LUZP2: variants seen among roughly 807,000 people sequenced by gnomAD.
The protein encoded by LUZP2 is leucine zipper protein 2.
LUZP2 carries 52 observed loss-of-function variants against 51.6 expected under a neutral mutation model. The ratio of observed to expected loss-of-function variants is 1.01; its 90% CI spans 0.81 to 1.27. The LOEUF (loss-of-function observed/expected upper bound fraction) is 1.27. LUZP2 is among the 50% of genes most tolerant of loss of function. The probability of loss-of-function intolerance (pLI) is 0.00; values close to 1 mark genes in which losing one functional copy is unlikely to be tolerated. For missense variants in LUZP2, 436 were observed against 395.4 expected (o/e 1.10, Z -0.87); for synonymous variants, 154 against 137.3 (o/e 1.12, Z -0.85).
At chr11:24,545,646 T>C (rs2133731624) in intron 1 of LUZP2, among the ~76,000 whole-genome samples, 1 of 151,628 alleles carries the variant, frequency 6.6e-6, no homozygotes, top group Admixed American at 6.6e-5. Context: ...TTGGTCTGTG[T>C]GTCTGTTTTT....
rs773660272 is a variant in LUZP2, at chr11:24,718,984, A to G, written c.63-10185A>G. ...TATTTTCAAGAAATTCTCTTTGATA[A>G]TTAATTAACTGAGCACAGGGTATAT... On this transcript the variant is annotated intron_variant, in intron 1 of 11. Coordinates refer to ENST00000336930, the MANE Select transcript of LUZP2 (RefSeq NM_001009909.4). Among the ~76,000 whole-genome samples the G allele has an allele frequency of 5.9e-4, 90 of 152,214 alleles. 1 individual carries two copies. The highest frequency in any genetic ancestry group is 4.7e-4 in the Non-Finnish European group (32 of 68,032).
chr11:24,773,698 CAT>C (rs1431391604), intron 5 of LUZP2, among the ~76,000 whole-genome samples: 4 of 152,126 alleles, frequency 2.6e-5, no homozygotes, highest in African/African-American at 9.7e-5. Flanking sequence ...TGCTATTACA[CAT>C]GTCTCATGTC....
intron 5 of LUZP2, among the ~76,000 whole-genome samples, chr11:24,774,273 A>G (rs1409570495): frequency 6.7e-6 from 1 of 149,734 alleles, no homozygotes; most frequent in Non-Finnish European, 1.5e-5. Context: ...CAGCCTGTGC[A>G]GATGGCCTAT....
chr11:24,523,837 G>A (rs1850719230), intron 1 of LUZP2, among the ~76,000 whole-genome samples: 1 of 151,556 alleles, frequency 6.6e-6, no homozygotes, highest in South Asian at 2.1e-4. Flanking sequence ...AGGCAGTGGG[G>A]CAATGAAACC....
intron 5 of LUZP2, among the ~76,000 whole-genome samples, chr11:24,775,036 A>G (rs1001654578): frequency 2.6e-5 from 4 of 151,650 alleles, no homozygotes; most frequent in African/African-American, 4.8e-5. Flanking sequence ...AAATACAATA[A>G]TAATTTCTAA....
chr11:24,602,217 T>TATATATATAC (rs1853726378), intron 1 of LUZP2, among the ~76,000 whole-genome samples: 1 of 61,714 alleles, frequency 1.6e-5, no homozygotes, highest in Non-Finnish European at 4.0e-5. Flanking sequence ...TGTATATATG[T>TATATATATAC]ATATATGTAC....
chr11:25,073,843 G>GA (rs1219239723), intron 10 of LUZP2, among the ~76,000 whole-genome samples: 1 of 151,750 alleles, frequency 6.6e-6, no homozygotes, highest in Non-Finnish European at 1.5e-5. Flanking sequence ...GGAGGAGAAA[G>GA]AAAAAAAGGA....
chr11:24,998,703 A>G (rs1449420795), intron 9 of LUZP2, among the ~76,000 whole-genome samples: 2 of 152,266 alleles, frequency 1.3e-5, no homozygotes, highest in East Asian at 3.9e-4. Flanking sequence ...GTCTACCTAT[A>G]CCCAACTTAA....
intron 5 of LUZP2, among the ~76,000 whole-genome samples, chr11:24,774,933 T>C (rs1848872613): frequency 6.6e-6 from 1 of 150,484 alleles, no homozygotes; most frequent in Non-Finnish European, 1.5e-5. Context: ...CTAGAACTTC[T>C]TTTCCCAGAG....
intron 7 of LUZP2, among the ~76,000 whole-genome samples, chr11:24,954,830 C>T (rs1260460861): frequency 6.6e-6 from 1 of 152,012 alleles, no homozygotes; most frequent in African/African-American, 2.4e-5. Flanking sequence ...GATAGTATAA[C>T]ATAGACGCTA....
chr11:24,735,420 C>T (rs1858898240), intron 3 of LUZP2, among the ~76,000 whole-genome samples: 1 of 151,750 alleles, frequency 6.6e-6, no homozygotes, highest in Admixed American at 6.6e-5. Context: ...TTGAAAATGT[C>T]CTTGAGCAAA....
At chr11:25,058,942 G>A (rs1858760884) in intron 10 of LUZP2, among the ~76,000 whole-genome samples, 1 of 152,110 alleles carries the variant, frequency 6.6e-6, no homozygotes, top group African/African-American at 2.4e-5. Flanking sequence ...GAAAAATTCA[G>A]TCAAAAACTA....
intron 5 of LUZP2, among the ~76,000 whole-genome samples, chr11:24,782,815 T>A (rs545935302): frequency 4.7e-4 from 71 of 152,226 alleles, no homozygotes; most frequent in African/African-American, 1.7e-3. Flanking sequence ...CCTAGAATGT[T>A]ACCTGTGTAA....
chr11:24,999,350 A>G (rs1856606873), intron 9 of LUZP2, among the ~76,000 whole-genome samples: 1 of 151,932 alleles, frequency 6.6e-6, no homozygotes, highest in Admixed American at 6.6e-5. Context: ...GAGGAAAAAG[A>G]AGAAGGAGGA....
chr11:24,560,594 A>C (rs1438990299), intron 1 of LUZP2, among the ~76,000 whole-genome samples: 1 of 152,176 alleles, frequency 6.6e-6, no homozygotes, highest in Non-Finnish European at 1.5e-5. Context: ...GTAGCTTGAA[A>C]AATACAGAGT....
intron 4 of LUZP2, among the ~76,000 whole-genome samples, chr11:24,755,354 A>C (rs12279428): frequency 0.036 from 5,492 of 152,062 alleles, 183 homozygotes; most frequent in African/African-American, 0.085. Flanking sequence ...AAGGTCTTAG[A>C]AGTGCTTTCT....
intron 7 of LUZP2, among the ~76,000 whole-genome samples, chr11:24,952,800 A>C (rs11028294): frequency 0.36 from 54,801 of 151,770 alleles, 12,013 homozygotes; most frequent in East Asian, 0.71. Context: ...ACTAATTGTT[A>C]TTTAATGCAT....
At chr11:24,750,905 C>G (rs549076692) in intron 4 of LUZP2, among the ~76,000 whole-genome samples, 33 of 152,264 alleles carry the variant, frequency 2.2e-4, no homozygotes, top group African/African-American at 7.7e-4. Flanking sequence ...ATCCTCTAAT[C>G]TATTTTTAAA....
intron 1 of LUZP2, among the ~76,000 whole-genome samples, chr11:24,723,126 C>T (rs1043669923): frequency 6.6e-6 from 1 of 152,052 alleles, no homozygotes; most frequent in East Asian, 1.9e-4. Context: ...TTAGTAACAT[C>T]CTCCCTTTAT....
Sources: gnomAD v4.1 joint callset for allele counts (sites outside exome capture counted in the v4.1 genomes callset) on GRCh38, gnomAD v4.1.1 for gene constraint, MANE v1.5 for transcripts, NCBI Gene and HGNC (gene_info 2026-07-23, HGNC 2026-07-21) for gene names.